GLG1: variants seen among roughly 807,000 people sequenced by gnomAD.
GLG1 encodes golgi glycoprotein 1, also known as Golgi apparatus protein 1.
Under a neutral mutation model 160.5 loss-of-function variants are expected in GLG1, and 38 were observed. The ratio of observed to expected loss-of-function variants is 0.24; its 90% CI spans 0.18 to 0.31. GLG1 has a LOEUF of 0.31. GLG1 is among the 10% of genes least tolerant of loss of function. The pLI, the probability that GLG1 is intolerant of heterozygous loss-of-function variation, is 1.00. For missense variants in GLG1, 1,373 were observed against 1,505.2 expected (o/e 0.91, Z 1.45); for synonymous variants, 644 against 543.4 (o/e 1.19, Z -2.57).
chr16:74,497,300 AC>A (rs1214919512), intron 4 of GLG1, among the ~76,000 whole-genome samples: 1 of 151,016 alleles, frequency 6.6e-6, no homozygotes, highest in Non-Finnish European at 1.5e-5. Context: ...AAAAACACAC[AC>A]ACACACACAC....
At chr16:74,536,283 G>T (rs1360243147) in intron 1 of GLG1, among the ~76,000 whole-genome samples, 1 of 152,120 alleles carries the variant, frequency 6.6e-6, no homozygotes, top group African/African-American at 2.4e-5. Context: ...AAGATGAATA[G>T]CATGAGGAAT....
At chr16:74,486,348 G>A (rs1422868037) in intron 8 of GLG1, among the ~76,000 whole-genome samples, 1 of 152,190 alleles carries the variant, frequency 6.6e-6, no homozygotes, top group Non-Finnish European at 1.5e-5. Context: ...GAATTTTGCT[G>A]CAAAGACACT....
At chr16:74,604,380 C>T (rs564018639) in intron 1 of GLG1, among the ~76,000 whole-genome samples, 2 of 152,270 alleles carry the variant, frequency 1.3e-5, no homozygotes, top group South Asian at 4.1e-4. Context: ...TATGGAAATA[C>T]GACACCATTT....
intron 1 of GLG1, among the ~76,000 whole-genome samples, chr16:74,561,582 A>G (rs886440873): frequency 2.6e-5 from 4 of 152,294 alleles, no homozygotes; most frequent in African/African-American, 9.6e-5. Flanking sequence ...TAAGAAAAAT[A>G]CTCTGCCAGA....
rs2017809148 is a variant in GLG1, at chr16:74,540,075, ATATATTT to A, written c.439-7929_439-7923del. Among the ~76,000 whole-genome samples the A allele has an allele frequency of 2.6e-3, 2 of 770 alleles. 1 individual carries two copies. Among genetic ancestry groups the A allele is most frequent in the African/African-American group, 3.4e-3 (2 of 582 alleles). 0.5% of individuals were successfully genotyped at this position (770 alleles called of 152,430 possible). A position where few individuals can be genotyped will look rare whatever the true frequency, so the allele number is the denominator to read the frequency against. Reference sequence around the variant, plus strand: ...TATATATTTTATATATATATATTATATATATTTTATATATATATTATATATATTTTAT... The same window carrying A: ...TATATATTTTATATATATATATTATATATATATATATTATATATATTTTAT... On this transcript the variant is annotated intron_variant, in intron 1 of 25. Coordinates refer to ENST00000422840, the MANE Select transcript of GLG1 (RefSeq NM_001145667.2).
At chr16:74,598,731 A>G (rs939758458) in intron 1 of GLG1, among the ~76,000 whole-genome samples, 1 of 151,308 alleles carries the variant, frequency 6.6e-6, no homozygotes, top group African/African-American at 2.4e-5. Context: ...CGTCTCTACA[A>G]AAATTAGCCG....
At chr16:74,542,742 G>GAAGGAAGGAAGGAAGGAAGGAAGGA (rs2017919387) in intron 1 of GLG1, among the ~76,000 whole-genome samples, 1 of 6,910 alleles carries the variant, frequency 1.4e-4, no homozygotes, top group African/African-American at 4.0e-4. Flanking sequence ...AGGGAGGAAG[G>GAAGGAAGGAAGGAAGGAAGGAAGGA]AAGGAAGGAA....
intron 13 of GLG1, chr16:74,474,227 A>T: frequency 5.0e-6 from 1 of 199,214 alleles, no homozygotes; most frequent in Non-Finnish European, 1.0e-5. Context: ...GCTGGGATTC[A>T]AGGCGTGAGC....
At chr16:74,486,924 T>TTC (rs71376210) in intron 8 of GLG1, among the ~76,000 whole-genome samples, 1 of 149,574 alleles carries the variant, frequency 6.7e-6, no homozygotes, top group African/African-American at 2.5e-5. Context: ...CTTTTTTTTT[T>TTC]CCCCCCCGAG....
At chr16:74,507,850 A>G (rs1220293153) in intron 3 of GLG1, among the ~76,000 whole-genome samples, 1 of 152,200 alleles carries the variant, frequency 6.6e-6, no homozygotes, top group African/African-American at 2.4e-5. Context: ...TATTAAGCAA[A>G]CATCTTTGCC....
chr16:74,515,972 C>T (rs9673537), intron 2 of GLG1, among the ~76,000 whole-genome samples: 108,430 of 150,446 alleles, frequency 0.72, 39,506 homozygotes, highest in East Asian at 0.81. Flanking sequence ...CATTACATAA[C>T]GGTAAAGGGA....
chr16:74,448,796 C>T lies in GLG1; in HGVS notation c.*4371G>A, dbSNP rs1455590884. On this transcript the variant is annotated 3_prime_UTR_variant, in exon 26 of 26. Coordinates refer to ENST00000422840, the MANE Select transcript of GLG1 (RefSeq NM_001145667.2). ...GCCAGGCCGGGCGTGGTGGCTCACG[C>T]CTGTAATGCACTTTGGAAGGCCGAA... 1.3e-5 allele frequency: 2 copies of T among 149,364 alleles called. No individual in the cohort carries two copies. The highest frequency in any genetic ancestry group is 3.0e-5 in the Non-Finnish European group (2 of 67,610). The allele number at this position is 149,364 out of a possible 1,614,324, so 9.3% of individuals were successfully genotyped here. A position where few individuals can be genotyped will look rare whatever the true frequency, so the allele number is the denominator to read the frequency against.
intron 1 of GLG1, among the ~76,000 whole-genome samples, chr16:74,569,129 T>C (rs2018745887): frequency 6.6e-6 from 1 of 152,186 alleles, no homozygotes; most frequent in South Asian, 2.1e-4. Context: ...CTCAAAAGGC[T>C]ACACCCTTAA....
chr16:74,456,103 A>C (rs2143133383), intron 25 of GLG1, among the ~76,000 whole-genome samples: 1 of 152,234 alleles, frequency 6.6e-6, no homozygotes, highest in Non-Finnish European at 1.5e-5. Context: ...TCTCCTAAAG[A>C]CTGTAAAATG....
intron 12 of GLG1, among the ~76,000 whole-genome samples, chr16:74,476,927 G>A (rs1014394724): frequency 4.6e-5 from 7 of 152,090 alleles, no homozygotes; most frequent in Admixed American, 6.5e-5. Flanking sequence ...ACTCACATAC[G>A]CACAGATTTA....
chr16:74,546,879 A>T (rs1414055577), intron 1 of GLG1, among the ~76,000 whole-genome samples: 2 of 150,006 alleles, frequency 1.3e-5, no homozygotes, highest in African/African-American at 4.9e-5. Flanking sequence ...AGAAGTGGGT[A>T]ACATGTGATA....
chr16:74,589,493 T>C (rs1958126916), intron 1 of GLG1, among the ~76,000 whole-genome samples: 1 of 152,114 alleles, frequency 6.6e-6, no homozygotes, highest in Non-Finnish European at 1.5e-5. Flanking sequence ...TAAAATATTT[T>C]CCCAAAAATA....
rs144608900 is a variant in GLG1 at position 74,463,325 on chromosome 16, C to T, written c.2791+31G>A. 9.9e-6 allele frequency: 16 copies of T among 1,610,406 alleles called. No individual in the cohort carries two copies. The Admixed American group carries it at 1.2e-4, about 12-fold the overall frequency. ...ACTGAATTCCTTTTCAGATACTCCA[C>T]GGGGCCAGGAGAGCCAAGCCAAGAT... On this transcript the variant is annotated intron_variant, in intron 20 of 25. Transcript: ENST00000422840.
rs758836765 is a variant in GLG1, at chr16:74,491,147, A to C, written c.1303T>G (p.Ser435Ala). 1.5e-5 allele frequency: 24 copies of C among 1,614,002 alleles called. No homozygotes were observed. The Admixed American group carries it at 3.0e-4, about 20-fold the overall frequency. ...DYRRMLMEDF[S>A]LSPEIILSCR... ...CTTAGGATGATCTCAGGGCTCAGAG[A>C]AAAGTCTTCCATCAACATGCGTCGG... The change falls in exon 8 of 26, where the codon TCT (serine) becomes GCT (alanine). Residue 435 changes from serine to alanine, a missense_variant. Physicochemically the swap from Ser to Ala is moderately conservative, Grantham distance 99. This residue lies in a region of GLG1 where 386 missense variants were observed against 388.5 expected (regional missense o/e 0.99). Transcript: ENST00000422840.
Sources: allele counts gnomAD v4.1 joint callset (sites outside exome capture counted in the v4.1 genomes callset), GRCh38; gene constraint gnomAD v4.1.1; regional missense constraint gnomAD v4.1.1; transcripts MANE v1.5; gene names NCBI Gene and HGNC (gene_info 2026-07-23, HGNC 2026-07-21).